Variants in HMGCLL1 observed in about 807,000 individuals in gnomAD.
The protein encoded by HMGCLL1 is 3-hydroxymethyl-3-methylglutaryl-CoA lyase, cytoplasmic.
A neutral mutation model predicts 39.1 loss-of-function variants in HMGCLL1; 36 were observed. That is an observed-to-expected ratio of 0.92 (90% CI 0.71 to 1.22). The LOEUF (loss-of-function observed/expected upper bound fraction) is 1.22. Ranked by LOEUF, HMGCLL1 falls within the 50% of genes most tolerant of loss-of-function variation. HMGCLL1 has a pLI of 0.00. For missense variants in HMGCLL1, 451 were observed against 416.5 expected, an observed-to-expected ratio of 1.08 and a Z score of -0.72; for synonymous variants, 149 against 144.0, an observed-to-expected ratio of 1.03 and a Z score of -0.25.
At chr6:55,619,511 C>G in the HMGCLL1 span, among the ~76,000 whole-genome samples, 2 of 151,730 alleles carry the variant, frequency 1.3e-5, no homozygotes, top group African/African-American at 4.8e-5. Context: ...TTATTTGGTT[C>G]TTCAACAAAC....
At chr6:55,673,927 C>T in the HMGCLL1 span, among the ~76,000 whole-genome samples, 2 of 151,868 alleles carry the variant, frequency 1.3e-5, no homozygotes, top group African/African-American at 2.4e-5. Context: ...CTTTCAAAGA[C>T]ATCAGAGAGA....
In HMGCLL1 at chr6:55,548,069, T is replaced by C. The variant is rs532685423; in HGVS notation, c.109-5929A>G. Among the ~76,000 whole-genome samples the C allele has an allele frequency of 1.6e-4, 24 of 152,152 alleles. No individual in the cohort carries two copies. In the South Asian group the frequency reaches 4.8e-3, roughly 30 times the overall value. ...TGGCAGTTTAATAAAAATTTATTTG[T>C]AACCATGCAAAAATAAGTTTGTAAT... On this transcript the variant is annotated intron_variant, in intron 1 of 8. Coordinates refer to ENST00000274901, the MANE Select transcript of HMGCLL1 (RefSeq NM_001042406.2).
At chr6:55,580,616 C>T (rs1771965703), upstream of HMGCLL1, among the ~76,000 whole-genome samples, 1 of 151,734 alleles carries the variant, frequency 6.6e-6, no homozygotes, top group Admixed American at 6.6e-5. Flanking sequence ...GGGGTTTCAC[C>T]GCGTTAGCCA....
At chr6:55,660,786 G>A in the HMGCLL1 span, among the ~76,000 whole-genome samples, 3 of 151,760 alleles carry the variant, frequency 2.0e-5, no homozygotes, top group African/African-American at 4.8e-5. Context: ...AGCTCTTTGA[G>A]GAATTGCCAC....
intron 3 of HMGCLL1, among the ~76,000 whole-genome samples, chr6:55,533,220 AT>A (rs1298425878): frequency 1.3e-5 from 2 of 151,838 alleles, no homozygotes; most frequent in Non-Finnish European, 2.9e-5. Context: ...TATTCAGAAT[AT>A]TTATTATTAT....
the HMGCLL1 span, among the ~76,000 whole-genome samples, chr6:55,650,130 TATATACACACACAC>T: frequency 1.2e-4 from 6 of 51,054 alleles, no homozygotes; most frequent in Non-Finnish European, 1.5e-4. Flanking sequence ...TATATATATA[TATATACACACACAC>T]ACACATATGT....
intron 3 of HMGCLL1, among the ~76,000 whole-genome samples, chr6:55,530,064 G>C (rs1460670817): frequency 4.4e-5 from 4 of 91,408 alleles, no homozygotes; most frequent in African/African-American, 1.4e-4. Flanking sequence ...TGGAGGATCT[G>C]GTGGGGGGTT....
chr6:55,475,340 C>T (rs537578329), intron 7 of HMGCLL1, among the ~76,000 whole-genome samples: 8 of 151,642 alleles, frequency 5.3e-5, no homozygotes, highest in Admixed American at 4.6e-4. Flanking sequence ...ACAAAATTAG[C>T]GACCCCCTTA....
Position 55,516,600 on chromosome 6 carries a change from C to A in HMGCLL1, c.301G>T (p.Ala101Ser). The change falls in exon 4 of 9, where the codon GCT (alanine) becomes TCT (serine). Residue 101 changes from alanine to serine, a missense_variant. Physicochemically the swap from Ala to Ser is moderately conservative, Grantham distance 99. Transcript: ENST00000274901. ...FVSSRWVPQM[A>S]DHTEVMKGIH... ...CCTTTCATTACTTCAGTGTGATCAG[C>A]CATCTTAAATACATAATAGTTATAT... is the stretch of plus-strand genomic sequence containing the variant. 3.2e-6 allele frequency: 5 copies of A among 1,583,248 alleles called. No individual in the cohort carries two copies. Among genetic ancestry groups the A allele is most frequent in the Non-Finnish European group, 4.3e-6 (5 of 1,157,618 alleles).
intron 3 of HMGCLL1, among the ~76,000 whole-genome samples, chr6:55,532,204 C>G (rs1403422362): frequency 1.3e-5 from 2 of 152,084 alleles, no homozygotes; most frequent in Non-Finnish European, 2.9e-5. Flanking sequence ...TATCATCCTA[C>G]TGAAAAGTAG....
At chr6:55,513,733 T>G (rs146793126) in intron 5 of HMGCLL1, 5,286 of 331,984 alleles carry the variant, frequency 0.016, 68 homozygotes, top group Non-Finnish European at 0.023. Context: ...TACCAACTTA[T>G]CAGCACATGT....
At chr6:55,476,834 T>G (rs1246288533) in intron 7 of HMGCLL1, among the ~76,000 whole-genome samples, 7 of 150,940 alleles carry the variant, frequency 4.6e-5, no homozygotes. Flanking sequence ...CTTGTAGGAT[T>G]TGTGATCAAG....
At chr6:55,460,502 G>A (rs762573322) in intron 7 of HMGCLL1, among the ~76,000 whole-genome samples, 13 of 151,646 alleles carry the variant, frequency 8.6e-5, no homozygotes, top group South Asian at 2.1e-4. Flanking sequence ...AACAAAAAGC[G>A]TATGTTTATT....
chr6:55,522,964 AT>A (rs1388728423), intron 3 of HMGCLL1, among the ~76,000 whole-genome samples: 2 of 152,048 alleles, frequency 1.3e-5, no homozygotes, highest in African/African-American at 4.8e-5. Flanking sequence ...TGAGAAAAAA[AT>A]ACAAAGATAT....
intron 7 of HMGCLL1, among the ~76,000 whole-genome samples, chr6:55,454,112 A>G (rs556044314): frequency 6.6e-6 from 1 of 152,124 alleles, no homozygotes; most frequent in South Asian, 2.1e-4. Flanking sequence ...GAGTGATTTC[A>G]TGTCTTTGGT....
chr6:55,458,710 T>C (rs1025967950), intron 7 of HMGCLL1, among the ~76,000 whole-genome samples: 1 of 152,194 alleles, frequency 6.6e-6, no homozygotes, highest in Admixed American at 6.6e-5. Context: ...ATCAAGTCAG[T>C]ATCATTAGTG....
intron 1 of HMGCLL1, among the ~76,000 whole-genome samples, chr6:55,577,754 G>C (rs12661172): frequency 0.11 from 16,049 of 152,012 alleles, 1,125 homozygotes; most frequent in East Asian, 0.3. Flanking sequence ...AAAAAGTCAA[G>C]AACATTAAGA....
chr6:55,538,774 T>C (rs571004889), intron 3 of HMGCLL1, among the ~76,000 whole-genome samples: 3 of 152,170 alleles, frequency 2.0e-5, no homozygotes, highest in Non-Finnish European at 4.4e-5. Context: ...CGATACATGA[T>C]CACTACTTTT....
intron 7 of HMGCLL1, among the ~76,000 whole-genome samples, chr6:55,446,867 T>A (rs1047232136): frequency 1.3e-5 from 2 of 151,976 alleles, no homozygotes; most frequent in African/African-American, 2.4e-5. Flanking sequence ...CAAAAAACAA[T>A]TAGATCTGGA....
Sources: allele counts gnomAD v4.1 joint callset (sites outside exome capture counted in the v4.1 genomes callset), GRCh38; gene constraint gnomAD v4.1.1; transcripts MANE v1.5; gene names NCBI Gene and HGNC (gene_info 2026-07-23, HGNC 2026-07-21).